Variants in FAM117B observed in about 807,000 individuals in gnomAD.
The protein encoded by FAM117B is family with sequence similarity 117 member B.
A neutral mutation model predicts 52.8 loss-of-function variants in FAM117B; 22 were observed. That is an observed-to-expected ratio of 0.42 (90% CI 0.30 to 0.59). FAM117B has a LOEUF of 0.59. Among genes scored for constraint, FAM117B ranks in the 20% least tolerant of loss-of-function variants. The pLI, the probability that FAM117B is intolerant of heterozygous loss-of-function variation, is 0.22. For synonymous variants in FAM117B, 309 were observed against 324.1 expected, an observed-to-expected ratio of 0.95 and a Z score of 0.50; for missense variants, 678 against 802.6, an observed-to-expected ratio of 0.84 and a Z score of 1.88.
intron 3 of FAM117B, among the ~76,000 whole-genome samples, chr2:202,725,962 A>AT (rs1691237190): frequency 6.6e-6 from 1 of 152,134 alleles, no homozygotes; most frequent in African/African-American, 2.4e-5. Flanking sequence ...AATGATTGTT[A>AT]TTTTTTTAAT....
Position 202,635,694 on chromosome 2 carries a change from A to C in FAM117B, c.507A>C (p.Pro169=). The C allele has an allele frequency of 1.4e-6, 2 of 1,414,084 alleles. No individual in the cohort carries two copies. The highest frequency in any genetic ancestry group is 9.2e-7 in the Non-Finnish European group (1 of 1,084,556). 87.6% of individuals were successfully genotyped at this position (1,414,084 alleles called of 1,614,324 possible). The stretch of plus-strand genomic sequence containing the variant: ...GGACCGGCGAGGTGAGCGCGGCCCC[A>C]CCCCCAGCCCGCGTCCGGCATCGGA... ...HLWTGEVSAA[P]PPARVRHRRR... The change falls in exon 1 of 8, where the codon CCA becomes CCC. Residue 169 remains proline (P), a synonymous_variant. Coordinates refer to ENST00000392238, the MANE Select transcript of FAM117B (RefSeq NM_173511.4).
rs1330274307 is a variant in FAM117B at position 202,767,862 on chromosome 2, C to T, written c.*2098C>T. 6.6e-6 allele frequency: 1 copy of T among 152,186 alleles called. No individual in the cohort carries two copies. Among genetic ancestry groups the T allele is most frequent in the Non-Finnish European group, 1.5e-5 (1 of 68,038 alleles). 9.4% of individuals were successfully genotyped at this position (152,186 alleles called of 1,614,324 possible). Reference sequence around the variant, plus strand: ...TGATGAACTTTGGTACTTTCTCAATCCAAAACTAATTTATTTGGAACTAGT... The same window carrying T: ...TGATGAACTTTGGTACTTTCTCAATTCAAAACTAATTTATTTGGAACTAGT... On this transcript the variant is annotated 3_prime_UTR_variant, in exon 8 of 8. Transcript: ENST00000392238.
At chr2:202,753,153 A>G (rs1272165768) in intron 4 of FAM117B, among the ~76,000 whole-genome samples, 1 of 152,240 alleles carries the variant, frequency 6.6e-6, no homozygotes, top group African/African-American at 2.4e-5. Flanking sequence ...ACAGCATGGT[A>G]CTGGTACCAA....
chr2:202,635,903 C>T (rs1246152446), intron 1 of FAM117B, 115 bp downstream of exon 1: 2 of 657,488 alleles, frequency 3.0e-6, no homozygotes. Flanking sequence ...TGGCTGGGGG[C>T]GGGGCTGGGG....
At position 202,766,101 on chromosome 2, in the gene FAM117B, CACACA is replaced by C. The variant is rs1691976215; in HGVS notation, c.*338_*342del. 2.2e-5 allele frequency: 5 copies of C among 224,646 alleles called. No individual in the cohort carries two copies. The highest frequency in any genetic ancestry group is 3.5e-5 in the Non-Finnish European group (4 of 114,294). The allele number at this position is 224,646 out of a possible 1,614,324, so 13.9% of individuals were successfully genotyped here. A position where few individuals can be genotyped will look rare whatever the true frequency, so the allele number is the denominator to read the frequency against. ...ACACACACACACACACACACACACA[CACACA>C]CCCCTGATCCTTGCCAACATGATTC... On this transcript the variant is annotated 3_prime_UTR_variant, in exon 8 of 8. Coordinates refer to ENST00000392238, the MANE Select transcript of FAM117B (RefSeq NM_173511.4).
chr2:202,753,182 C>T (rs896918930), intron 4 of FAM117B, among the ~76,000 whole-genome samples: 3 of 152,038 alleles, frequency 2.0e-5, no homozygotes, highest in Non-Finnish European at 4.4e-5. Context: ...TATAGACCAA[C>T]GGAGCAGGAC....
chr2:202,700,476 C>A (rs941486366), intron 2 of FAM117B, among the ~76,000 whole-genome samples: 3 of 152,160 alleles, frequency 2.0e-5, no homozygotes, highest in African/African-American at 7.2e-5. Flanking sequence ...CCTTAATTCT[C>A]TTCAGTTCTT....
At chr2:202,705,254 C>A (rs553378803) in intron 2 of FAM117B, among the ~76,000 whole-genome samples, 1 of 151,212 alleles carries the variant, frequency 6.6e-6, no homozygotes, top group South Asian at 2.1e-4. Flanking sequence ...TGCAGTGAGT[C>A]AAGATAGTAC....
intron 5 of FAM117B, 77 bp downstream of exon 5, chr2:202,755,758 T>C: frequency 1.4e-6 from 2 of 1,421,202 alleles, no homozygotes; most frequent in Non-Finnish European, 1.9e-6. Flanking sequence ...TTTCCATATT[T>C]ACTTGGGTTT....
At chr2:202,691,960 C>T (rs900490825) in intron 1 of FAM117B, among the ~76,000 whole-genome samples, 1 of 151,958 alleles carries the variant, frequency 6.6e-6, no homozygotes, top group African/African-American at 2.4e-5. Flanking sequence ...AATAACTGTG[C>T]CATAGTGAAA....
At chr2:202,711,626 A>G (rs1332627482) in intron 2 of FAM117B, among the ~76,000 whole-genome samples, 1 of 152,184 alleles carries the variant, frequency 6.6e-6, no homozygotes, top group African/African-American at 2.4e-5. Context: ...GCCCAGACAA[A>G]CATCATGGAG....
At chr2:202,727,616 T>G (rs1691266689) in intron 4 of FAM117B, among the ~76,000 whole-genome samples, 1 of 152,200 alleles carries the variant, frequency 6.6e-6, no homozygotes, top group Admixed American at 6.5e-5. Context: ...ATCTGGAGAT[T>G]ATTTAAAATA....
intron 1 of FAM117B, among the ~76,000 whole-genome samples, chr2:202,670,947 G>C (rs1348774092): frequency 6.6e-6 from 1 of 152,194 alleles, no homozygotes; most frequent in African/African-American, 2.4e-5. Flanking sequence ...ATTTAAAGCT[G>C]CAAATAAATT....
intron 4 of FAM117B, among the ~76,000 whole-genome samples, chr2:202,754,306 A>G (rs1691767439): frequency 6.6e-6 from 1 of 152,192 alleles, no homozygotes; most frequent in South Asian, 2.1e-4. Context: ...GTTCTCACTC[A>G]TAAGTGGGAG....
intron 2 of FAM117B, among the ~76,000 whole-genome samples, chr2:202,719,891 A>G (rs1216604596): frequency 1.3e-5 from 2 of 152,124 alleles, no homozygotes; most frequent in African/African-American, 2.4e-5. Context: ...AATGTTGTCA[A>G]CTTGGGTTTA....
intron 5 of FAM117B, among the ~76,000 whole-genome samples, chr2:202,756,301 C>T (rs1408280086): frequency 1.3e-5 from 2 of 151,926 alleles, no homozygotes; most frequent in Non-Finnish European, 2.9e-5. Flanking sequence ...TGCCTGTAAT[C>T]CCAGCTACTT....
intron 2 of FAM117B, 105 bp downstream of exon 2, chr2:202,696,137 A>C: frequency 8.2e-7 from 1 of 1,222,538 alleles, no homozygotes; most frequent in Non-Finnish European, 1.1e-6. Flanking sequence ...TGTATATTAG[A>C]ATTAACTTGA....
chr2:202,694,410 C>A (rs1013106068), intron 1 of FAM117B, among the ~76,000 whole-genome samples: 2 of 151,758 alleles, frequency 1.3e-5, no homozygotes, highest in African/African-American at 4.8e-5. Context: ...AGGGTGGTCT[C>A]GAACTTCTGA....
chr2:202,744,473 A>G (rs995364249), intron 4 of FAM117B, among the ~76,000 whole-genome samples: 5 of 152,182 alleles, frequency 3.3e-5, no homozygotes, highest in African/African-American at 1.2e-4. Context: ...ACTTCCCGTT[A>G]CGCCCCACCT....
Sources: gnomAD v4.1 joint callset for allele counts (sites outside exome capture counted in the v4.1 genomes callset) on GRCh38, gnomAD v4.1.1 for gene constraint, MANE v1.5 for transcripts, NCBI Gene and HGNC (gene_info 2026-07-23, HGNC 2026-07-21) for gene names.